The following MACROD2 variants were observed in gnomAD, a reference collection of about 807,000 sequenced individuals.
The protein encoded by MACROD2 is mono-ADP ribosylhydrolase 2, also known as ADP-ribose glycohydrolase MACROD2.
In MACROD2, 36 loss-of-function variants were observed where a neutral mutation model predicts 70.4. The ratio of observed to expected loss-of-function variants is 0.51; its 90% confidence interval spans 0.39 to 0.68. MACROD2 has a LOEUF of 0.68. Among genes scored for constraint, MACROD2 ranks in the 30% least tolerant of loss-of-function variants. The pLI, the probability that MACROD2 is intolerant of heterozygous loss-of-function variation, is 0.00. For missense variants in MACROD2, 496 were observed against 538.4 expected (o/e 0.92, Z 0.78); for synonymous variants, 172 against 178.8 (o/e 0.96, Z 0.30).
intron 7 of MACROD2, among the ~76,000 whole-genome samples, chr20:15,432,125 G>A (rs1160967469): frequency 6.6e-6 from 1 of 152,098 alleles, no homozygotes; most frequent in East Asian, 1.9e-4. Flanking sequence ...TGATCTAAGT[G>A]AAATAGATTA....
chr20:15,227,076 G>A (rs541635669), intron 5 of MACROD2, among the ~76,000 whole-genome samples: 9 of 152,230 alleles, frequency 5.9e-5, no homozygotes, highest in African/African-American at 9.6e-5. Context: ...CATGTTGGTC[G>A]ATAATAACAT....
At chr20:15,321,991 C>T (rs1280604512) in intron 6 of MACROD2, among the ~76,000 whole-genome samples, 1 of 143,560 alleles carries the variant, frequency 7.0e-6, no homozygotes, top group Non-Finnish European at 1.6e-5. Flanking sequence ...CAGGTATTCA[C>T]CATGTTGGCC....
chr20:15,616,146 G>A (rs377524048), intron 8 of MACROD2, among the ~76,000 whole-genome samples: 28 of 132,878 alleles, frequency 2.1e-4, no homozygotes, highest in South Asian at 4.9e-4. Flanking sequence ...TCTGTCACCC[G>A]GGCCTGGAGT....
intron 4 of MACROD2, among the ~76,000 whole-genome samples, chr20:14,653,581 C>T (rs1985807110): frequency 6.6e-6 from 1 of 151,508 alleles, no homozygotes; most frequent in African/African-American, 2.4e-5. Context: ...GTTTCACACT[C>T]CTTGCCTCAA....
intron 5 of MACROD2, among the ~76,000 whole-genome samples, chr20:15,050,157 A>G (rs1420114348): frequency 6.6e-6 from 1 of 152,098 alleles, no homozygotes; most frequent in East Asian, 1.9e-4. Flanking sequence ...CTTAACAATC[A>G]TACAAAAGGA....
intron 3 of MACROD2, among the ~76,000 whole-genome samples, chr20:14,445,258 G>C (rs1358436261): frequency 6.6e-6 from 1 of 151,908 alleles, no homozygotes; most frequent in Non-Finnish European, 1.5e-5. Context: ...TGTCCATTTT[G>C]TTCCCTGCAT....
At chr20:15,921,683 T>C (rs2065409845) in intron 10 of MACROD2, among the ~76,000 whole-genome samples, 1 of 152,236 alleles carries the variant, frequency 6.6e-6, no homozygotes, top group South Asian at 2.1e-4. Context: ...GAGGATACTA[T>C]ATTTGCGTAA....
At chr20:15,695,619 C>A (rs2050357450) in intron 8 of MACROD2, among the ~76,000 whole-genome samples, 2 of 152,080 alleles carry the variant, frequency 1.3e-5, no homozygotes, top group Admixed American at 6.5e-5. Context: ...CCATGTTGGT[C>A]AGGCTGGTCT....
intron 4 of MACROD2, among the ~76,000 whole-genome samples, chr20:14,634,028 C>T (rs1258736289): frequency 2.0e-5 from 3 of 152,190 alleles, no homozygotes; most frequent in East Asian, 1.9e-4. Context: ...TTCTGATGCT[C>T]TCCTCACCTG....
At chr20:14,915,303 G>T (rs980089080) in intron 5 of MACROD2, among the ~76,000 whole-genome samples, 3 of 152,166 alleles carry the variant, frequency 2.0e-5, no homozygotes, top group African/African-American at 2.4e-5. Flanking sequence ...TGGCATTCTG[G>T]TGTCTTCAAA....
chr20:14,621,778 G>GA lies in MACROD2; in HGVS notation c.302-63063dup, dbSNP rs1277418539. 4 of 152,226 alleles carry GA rather than the reference G, an allele frequency of 2.6e-5. No homozygotes were observed. The East Asian group carries it at 5.8e-4, about 22-fold the overall frequency. The allele number at this position is 152,226 out of a possible 1,614,324, so 9.4% of individuals were successfully genotyped here. A position where few individuals can be genotyped will look rare whatever the true frequency, so the allele number is the denominator to read the frequency against. On this transcript the variant is annotated intron_variant, in intron 4 of 17. Transcript: ENST00000684519. Reference sequence around the variant, plus strand: ...ATTTGTTTTGTAGATTCTCCGTTGGGAAGTGTGTTTCTAGGTACATAAAAA... The same window carrying GA: ...ATTTGTTTTGTAGATTCTCCGTTGGGAAAGTGTGTTTCTAGGTACATAAAAA...
chr20:14,203,330 G>T (rs952873000), intron 3 of MACROD2, among the ~76,000 whole-genome samples: 1 of 151,894 alleles, frequency 6.6e-6, no homozygotes, highest in Non-Finnish European at 1.5e-5. Flanking sequence ...GTGTTCTCTT[G>T]TATCTGAGTT....
At chr20:15,411,716 T>C (rs1359644128) in intron 6 of MACROD2, among the ~76,000 whole-genome samples, 2 of 152,236 alleles carry the variant, frequency 1.3e-5, no homozygotes, top group Non-Finnish European at 2.9e-5. Flanking sequence ...TTTTAGACTC[T>C]GTATGCAGCT....
At chr20:14,890,659 G>A (rs2073743665) in intron 5 of MACROD2, among the ~76,000 whole-genome samples, 1 of 151,834 alleles carries the variant, frequency 6.6e-6, no homozygotes. Flanking sequence ...TTACTCAGGA[G>A]GCTGAGATAG....
intron 3 of MACROD2, among the ~76,000 whole-genome samples, chr20:14,138,646 G>T (rs1422235835): frequency 1.3e-5 from 2 of 152,082 alleles, no homozygotes; most frequent in Non-Finnish European, 2.9e-5. Flanking sequence ...GAAGCTGTTG[G>T]TCAAAGCATA....
chr20:15,358,062 C>T (rs979508464), intron 6 of MACROD2, among the ~76,000 whole-genome samples: 2 of 152,142 alleles, frequency 1.3e-5, no homozygotes, highest in Non-Finnish European at 2.9e-5. Context: ...CCCGCTTTGG[C>T]CTCCCAAAGT....
At chr20:15,737,404 AC>A (rs1446351022) in intron 8 of MACROD2, among the ~76,000 whole-genome samples, 3 of 152,150 alleles carry the variant, frequency 2.0e-5, no homozygotes, top group Non-Finnish European at 4.4e-5. Context: ...ATTATTAAAC[AC>A]CCTTATTCAA....
At chr20:14,365,008 C>T (rs375990706) in intron 3 of MACROD2, among the ~76,000 whole-genome samples, 8 of 152,056 alleles carry the variant, frequency 5.3e-5, no homozygotes, top group South Asian at 2.1e-4. Flanking sequence ...GTATTTCTTC[C>T]GCTGCTGTTT....
At chr20:14,594,924 G>C (rs1441209811) in intron 4 of MACROD2, among the ~76,000 whole-genome samples, 1 of 151,920 alleles carries the variant, frequency 6.6e-6, no homozygotes, top group Non-Finnish European at 1.5e-5. Flanking sequence ...AAATAAATAA[G>C]AAAAGTTATC....
Sources: gnomAD v4.1 joint callset for allele counts (sites outside exome capture counted in the v4.1 genomes callset) on GRCh38, gnomAD v4.1.1 for gene constraint, MANE v1.5 for transcripts, NCBI Gene and HGNC (gene_info 2026-07-23, HGNC 2026-07-21) for gene names.